The following TLN2 variants were observed in gnomAD, a reference collection of about 807,000 sequenced individuals.
The protein encoded by TLN2 is talin 2.
A neutral mutation model predicts 294.7 loss-of-function variants in TLN2; 118 were observed. That is an observed-to-expected ratio of 0.40 (90% CI 0.34 to 0.47). TLN2 has a LOEUF of 0.47. Among genes scored for constraint, TLN2 ranks in the 20% least tolerant of loss-of-function variants. The pLI is 0.84. For synonymous variants in TLN2, 1,431 were observed against 1,304.5 expected (o/e 1.10, Z -2.09); for missense variants, 3,083 against 3,282.2 (o/e 0.94, Z 1.48).
intron 46 of TLN2, among the ~76,000 whole-genome samples, chr15:62,794,762 A>G (rs1253362764): frequency 6.6e-6 from 1 of 152,132 alleles, no homozygotes; most frequent in Non-Finnish European, 1.5e-5. Context: ...CTCCTGCCAG[A>G]CTGTGTCCAC....
chr15:62,491,339 T>A (rs8023546), intron 1 of TLN2, among the ~76,000 whole-genome samples: 33,910 of 111,164 alleles, frequency 0.31, 5,061 homozygotes, highest in Non-Finnish European at 0.37. Flanking sequence ...AAAAAAAAAA[T>A]ATATATATAT....
intron 54 of TLN2, chr15:62,830,692 G>A (rs1172098524): frequency 6.6e-6 from 1 of 152,164 alleles, no homozygotes; most frequent in Non-Finnish European, 1.5e-5. Context: ...TAGAGGTAGG[G>A]TGGGCAGTGC....
chr15:62,633,418 C>A (rs2050097561), intron 3 of TLN2, among the ~76,000 whole-genome samples: 1 of 152,096 alleles, frequency 6.6e-6, no homozygotes, highest in African/African-American at 2.4e-5. Flanking sequence ...TACCTTAGGC[C>A]CCTGAGTAGC....
chr15:62,645,669 C>T (rs1459987817), intron 3 of TLN2, among the ~76,000 whole-genome samples: 1 of 152,178 alleles, frequency 6.6e-6, no homozygotes, highest in Non-Finnish European at 1.5e-5. Context: ...GTCCCCTCTG[C>T]CTTGTGGCCA....
chr15:62,719,715 G>A, intron 24 of TLN2, 52 bp from the exon 25 acceptor site: 1 of 1,429,360 alleles, frequency 7.0e-7, no homozygotes, highest in African/African-American at 1.4e-5. Flanking sequence ...TAGCTTCTTT[G>A]GATGGTCCCA....
At chr15:62,729,348 C>G (rs2060597652) in intron 28 of TLN2, among the ~76,000 whole-genome samples, 1 of 152,158 alleles carries the variant, frequency 6.6e-6, no homozygotes, top group Non-Finnish European at 1.5e-5. Context: ...CACATAAATT[C>G]TAAATCAGCT....
chr15:62,661,126 C>G (rs1381541163), intron 9 of TLN2, among the ~76,000 whole-genome samples: 1 of 152,160 alleles, frequency 6.6e-6, no homozygotes, highest in Non-Finnish European at 1.5e-5. Flanking sequence ...CCTTTAAAAA[C>G]ACTGTGGATA....
At chr15:62,664,303 T>C (rs941937870) in intron 9 of TLN2, among the ~76,000 whole-genome samples, 1 of 151,896 alleles carries the variant, frequency 6.6e-6, no homozygotes, top group Non-Finnish European at 1.5e-5. Context: ...GTAGTTGACT[T>C]ATAAAGACAT....
At chr15:62,580,435 T>G (rs9806370) in intron 1 of TLN2, among the ~76,000 whole-genome samples, 140,268 of 145,982 alleles carry the variant, frequency 0.96, 67,664 homozygotes, top group East Asian at 1. Flanking sequence ...TTCCTTCCCA[T>G]TGTCTTGCTC....
At position 62,750,526 on chromosome 15, in the gene TLN2, A is replaced by G. The variant is rs373760339; in HGVS notation, c.4209+35A>G. On this transcript the variant is annotated intron_variant, in intron 34 of 58. Coordinates refer to ENST00000636159, the MANE Select transcript of TLN2 (RefSeq NM_015059.3). ...CCTATGCCGTAAGTCAGAAGTTAGC[A>G]TTGCTTGTCAATGTGGGGAGAAGTT... The G allele has an allele frequency of 8.3e-6, 13 of 1,574,160 alleles. No homozygotes were observed. In the African/African-American group the frequency reaches 1.6e-4, roughly 20 times the overall value.
At position 62,764,477 on chromosome 15, in the gene TLN2, G is replaced by C. The variant is rs561908799; in HGVS notation, c.5094+782G>C. On this transcript the variant is annotated intron_variant, in intron 40 of 58. Coordinates refer to ENST00000636159, the MANE Select transcript of TLN2 (RefSeq NM_015059.3). ...TTTTATTAATAGAGCTGTCTATTTCGCTCCACCTTCACCCTCCTATTTCCA... is the reference window on the plus strand; with the variant it reads ...TTTTATTAATAGAGCTGTCTATTTCCCTCCACCTTCACCCTCCTATTTCCA... 2.6e-5 allele frequency among the ~76,000 whole-genome samples: 4 copies of C among 152,182 alleles called. No homozygotes were observed. The South Asian group carries it at 8.3e-4, about 32-fold the overall frequency.
At chr15:62,705,248 G>A (rs1187877785) in intron 19 of TLN2, among the ~76,000 whole-genome samples, 3 of 152,218 alleles carry the variant, frequency 2.0e-5, no homozygotes, top group Non-Finnish European at 4.4e-5. Flanking sequence ...TCTAGGTAAA[G>A]ACCAGGGCAG....
chr15:62,424,456 A>G (rs988209772), intron 1 of TLN2, among the ~76,000 whole-genome samples: 19 of 152,104 alleles, frequency 1.2e-4, no homozygotes, highest in African/African-American at 4.1e-4. Flanking sequence ...GTCAGCAAAC[A>G]GCAAGAACAC....
At chr15:62,527,888 A>T (rs998873484) in intron 1 of TLN2, among the ~76,000 whole-genome samples, 1 of 152,224 alleles carries the variant, frequency 6.6e-6, no homozygotes, top group Non-Finnish European at 1.5e-5. Context: ...CCATTATGAT[A>T]GATTTCCTCC....
At chr15:62,636,840 G>A (rs563297577) in intron 3 of TLN2, among the ~76,000 whole-genome samples, 2 of 152,296 alleles carry the variant, frequency 1.3e-5, no homozygotes, top group South Asian at 4.1e-4. Flanking sequence ...CAAATTAAGC[G>A]CAGCATGAAG....
chr15:62,715,542 C>T (rs2059710373), intron 22 of TLN2, among the ~76,000 whole-genome samples: 1 of 152,144 alleles, frequency 6.6e-6, no homozygotes, highest in Non-Finnish European at 1.5e-5. Flanking sequence ...TTAGCCTTCC[C>T]CTGCTTCAGA....
intron 45 of TLN2, among the ~76,000 whole-genome samples, chr15:62,789,908 C>T (rs1044603963): frequency 7.9e-5 from 12 of 152,208 alleles, no homozygotes; most frequent in Non-Finnish European, 1.6e-4. Context: ...CAACCTTTCA[C>T]TCATGTGGGT....
intron 52 of TLN2, among the ~76,000 whole-genome samples, chr15:62,812,011 C>CAATAAATAAATAAATAAATA (rs59386081): frequency 3.7e-4 from 49 of 130,728 alleles, no homozygotes; most frequent in African/African-American, 1.2e-3. Context: ...GACTCCATCT[C>CAATAAATAAATAAATAAATA]AATAAATAAA....
intron 9 of TLN2, among the ~76,000 whole-genome samples, chr15:62,664,875 A>AAAAAAAAAAAAAAAGAAAG (rs1555462003): frequency 6.8e-6 from 1 of 146,486 alleles, no homozygotes; most frequent in African/African-American, 2.7e-5. Context: ...AAAAAAAAAA[A>AAAAAAAAAAAAAAAGAAAG]AAAGTGGCTA....
Sources: allele counts gnomAD v4.1 joint callset (sites outside exome capture counted in the v4.1 genomes callset), GRCh38; gene constraint gnomAD v4.1.1; transcripts MANE v1.5; gene names NCBI Gene and HGNC (gene_info 2026-07-23, HGNC 2026-07-21).